The following ETHE1 variants were observed in gnomAD, a reference collection of about 807,000 sequenced individuals.
ETHE1 encodes ETHE1 persulfide dioxygenase.
ETHE1 carries 16 observed loss-of-function variants against 25.7 expected under a neutral mutation model. That is an observed-to-expected ratio of 0.62 (90% CI 0.42 to 0.95). The LOEUF is 0.95. Ranked by LOEUF, ETHE1 falls within the 40% of genes least tolerant of loss-of-function variation. ETHE1 has a pLI of 0.00. For missense variants in ETHE1, 300 were observed against 333.6 expected (o/e 0.90, Z 0.79); for synonymous variants, 139 against 135.9 (o/e 1.02, Z -0.16).
Position 43,523,218 on chromosome 19 carries a change from A to G in ETHE1, c.375+2983T>C, listed in dbSNP as rs373962084. ...GGGATCTGGGTAAGTACTCATACAC[A>G]TGTATAATATGTGGACTCCTTTCAT... is the stretch of plus-strand genomic sequence containing the variant. On this transcript the variant is annotated intron_variant, in intron 3 of 6. Coordinates refer to ENST00000292147, the MANE Select transcript of ETHE1 (RefSeq NM_014297.5). 1.7e-3 allele frequency among the ~76,000 whole-genome samples: 262 copies of G among 152,236 alleles called. 2 individuals are homozygous for G. Among genetic ancestry groups the G allele is most frequent in the African/African-American group, 6.2e-3 (257 of 41,532 alleles).
chr19:43,519,010 T>TG (rs1568497961), intron 3 of ETHE1, among the ~76,000 whole-genome samples: 4 of 57,844 alleles, frequency 6.9e-5, no homozygotes, highest in African/African-American at 3.3e-4. Context: ...TTTTTTTTTT[T>TG]TTTTTTTTTT....
intron 4 of ETHE1, among the ~76,000 whole-genome samples, 191 bp from the exon 5 acceptor site, chr19:43,509,055 T>C (rs897406980): frequency 4.6e-5 from 7 of 152,162 alleles, no homozygotes; most frequent in Admixed American, 1.3e-4. Context: ...ATACAAAGAA[T>C]TGAGGAATGT....
intron 3 of ETHE1, among the ~76,000 whole-genome samples, chr19:43,517,070 C>T (rs550581083): frequency 5.3e-5 from 8 of 151,998 alleles, no homozygotes; most frequent in African/African-American, 1.7e-4. Context: ...GCAATCCTCC[C>T]ATCTCAGCCT....
Position 43,511,493 on chromosome 19 carries a change from GC to G in ETHE1, c.448del (p.Ala150ProfsTer8). The G allele has an allele frequency of 6.2e-7, 1 of 1,614,170 alleles. No individual in the cohort carries two copies. Among genetic ancestry groups the G allele is most frequent in the Non-Finnish European group, 8.5e-7 (1 of 1,180,038 alleles). On this transcript the variant is annotated frameshift_variant, in exon 4 of 7. Coordinates refer to ENST00000292147, the MANE Select transcript of ETHE1 (RefSeq NM_014297.5). LOFTEE classifies it high-confidence loss of function. ...GATCAACAGGGCATCTCCAGTGAAGGCCATGCTGTGGTCATTCAGGACGAAG... is the reference window on the plus strand; with the variant it reads ...GATCAACAGGGCATCTCCAGTGAAGGCATGCTGTGGTCATTCAGGACGAAG... The part of the protein sequence containing the change: ...VTFVLNDHSM[A>X]FTGDALLIRG...
At chr19:43,515,601 G>A (rs1001186202) in intron 3 of ETHE1, among the ~76,000 whole-genome samples, 4 of 151,424 alleles carry the variant, frequency 2.6e-5, no homozygotes, top group African/African-American at 9.7e-5. Flanking sequence ...TTTGGACGGA[G>A]TCTGGCTCTG....
chr19:43,516,912 G>A lies in ETHE1; in HGVS notation c.376-5346C>T, dbSNP rs544022295. Among the ~76,000 whole-genome samples, 25 of 152,212 alleles carry A rather than the reference G, an allele frequency of 1.6e-4. No homozygotes were observed. In the South Asian group the frequency reaches 5.2e-3, roughly 32 times the overall value. On this transcript the variant is annotated intron_variant, in intron 3 of 6. Coordinates refer to ENST00000292147, the MANE Select transcript of ETHE1 (RefSeq NM_014297.5). Reference sequence around the variant, plus strand: ...CCCAAAGTGTTGGGATTACAGGTGTGATGTGCCCGATGACTAACAATTTAT... The same window carrying A: ...CCCAAAGTGTTGGGATTACAGGTGTAATGTGCCCGATGACTAACAATTTAT...
chr19:43,523,618 A>G (rs1851922978), intron 3 of ETHE1, among the ~76,000 whole-genome samples: 1 of 152,066 alleles, frequency 6.6e-6, no homozygotes, highest in Non-Finnish European at 1.5e-5. Flanking sequence ...AATAAAGGAG[A>G]GAAAAATGGA....
At chr19:43,511,699 TA>T in intron 3 of ETHE1, 133 bp from the exon 4 acceptor site, 1 of 980,418 alleles carries the variant, frequency 1.0e-6, no homozygotes, top group Non-Finnish European at 1.5e-6. Context: ...TCCCAGGCTG[TA>T]ATCTTATATT....
In ETHE1 at chr19:43,506,785, C is replaced by T; in HGVS notation, c.*65G>A. 6.8e-7 allele frequency: 1 copy of T among 1,460,784 alleles called. No homozygotes were observed. The highest frequency in any genetic ancestry group is 9.6e-7 in the Non-Finnish European group (1 of 1,042,408). The allele number at this position is 1,460,784 out of a possible 1,614,324, so 90.5% of individuals were successfully genotyped here. ...CGGTGGGAAAGGAGAGGTGCAGTGT[C>T]ATTGCCGCCCTCTCCTCCCACCTAG... On this transcript the variant is annotated 3_prime_UTR_variant, in exon 7 of 7. Transcript: ENST00000292147.
chr19:43,521,193 G>A (rs1972131570), intron 3 of ETHE1, among the ~76,000 whole-genome samples: 1 of 152,088 alleles, frequency 6.6e-6, no homozygotes, highest in Admixed American at 6.6e-5. Context: ...TTAGCCAGAT[G>A]TGGTGGTGCG....
chr19:43,523,330 G>A (rs190821472), intron 3 of ETHE1, among the ~76,000 whole-genome samples: 1 of 152,198 alleles, frequency 6.6e-6, no homozygotes, highest in East Asian at 1.9e-4. Flanking sequence ...GAGTGCAGTG[G>A]TGCGATCTTG....
intron 3 of ETHE1, among the ~76,000 whole-genome samples, chr19:43,521,538 A>G (rs2146007225): frequency 6.6e-6 from 1 of 151,976 alleles, no homozygotes; most frequent in South Asian, 2.1e-4. Context: ...AACAGCCTCA[A>G]GAGGAAGGTG....
intron 3 of ETHE1, among the ~76,000 whole-genome samples, chr19:43,516,299 C>T (rs1005458483): frequency 1.3e-5 from 2 of 151,956 alleles, no homozygotes; most frequent in African/African-American, 4.8e-5. Context: ...GATGGTCTGA[C>T]TTATGATTTT....
At chr19:43,520,250 T>TA (rs1332826690) in intron 3 of ETHE1, among the ~76,000 whole-genome samples, 1 of 152,132 alleles carries the variant, frequency 6.6e-6, no homozygotes, top group African/African-American at 2.4e-5. Context: ...CAGCTACTGC[T>TA]ACTCGGGAGG....
chr19:43,517,079 C>T (rs1338865324), intron 3 of ETHE1, among the ~76,000 whole-genome samples: 1 of 151,930 alleles, frequency 6.6e-6, no homozygotes, highest in South Asian at 2.1e-4. Flanking sequence ...CCATCTCAGC[C>T]TCTCAATGTG....
rs1410225584 is a variant in ETHE1, at chr19:43,520,040, C to T, written c.375+6161G>A. Among the ~76,000 whole-genome samples, 4 of 144,234 alleles carry T rather than the reference C, an allele frequency of 2.8e-5. No individual in the cohort carries two copies. The East Asian group carries it at 7.9e-4, about 29-fold the overall frequency. The allele number at this position is 144,234 out of a possible 152,430, so 94.6% of individuals were successfully genotyped here. A position where few individuals can be genotyped will look rare whatever the true frequency, so the allele number is the denominator to read the frequency against. ...CAGCCTGGACAACATAGCGAGACCC[C>T]CACCCAAAAAAAAAAAAAAAAGAAT... is the stretch of plus-strand genomic sequence containing the variant. On this transcript the variant is annotated intron_variant, in intron 3 of 6. Coordinates refer to ENST00000292147, the MANE Select transcript of ETHE1 (RefSeq NM_014297.5).
At chr19:43,518,346 A>C (rs1053825981) in intron 3 of ETHE1, among the ~76,000 whole-genome samples, 19 of 151,554 alleles carry the variant, frequency 1.3e-4, no homozygotes, top group Non-Finnish European at 1.8e-4. Context: ...GTGAGATCCT[A>C]TCTCTACCAA....
At position 43,506,773 on chromosome 19, in the gene ETHE1, G is replaced by A. The variant is rs1852308311; in HGVS notation, c.*77C>T. On this transcript the variant is annotated 3_prime_UTR_variant, in exon 7 of 7. Coordinates refer to ENST00000292147, the MANE Select transcript of ETHE1 (RefSeq NM_014297.5). ...CTCCAGGGAATGCGGTGGGAAAGGA[G>A]AGGTGCAGTGTCATTGCCGCCCTCT... 4 of 1,324,368 alleles carry A rather than the reference G, an allele frequency of 3.0e-6. No homozygotes were observed. The South Asian group carries it at 4.7e-5, about 16-fold the overall frequency. 82.0% of individuals were successfully genotyped at this position (1,324,368 alleles called of 1,614,324 possible).
rs1285868264 is a variant in ETHE1 at position 43,513,050 on chromosome 19, T to TG, written c.376-1485dup. Among the ~76,000 whole-genome samples, 4 of 152,326 alleles carry TG rather than the reference T, an allele frequency of 2.6e-5. No individual in the cohort carries two copies. The East Asian group carries it at 7.7e-4, about 29-fold the overall frequency. On this transcript the variant is annotated intron_variant, in intron 3 of 6. Coordinates refer to ENST00000292147, the MANE Select transcript of ETHE1 (RefSeq NM_014297.5). ...TTCAGAGGGTGCAAGCCCCAAGCCT[T>TG]GGTGGCTTACACGTGGTGCTGGGCC...
Sources: gnomAD v4.1 joint callset for allele counts (sites outside exome capture counted in the v4.1 genomes callset) on GRCh38, gnomAD v4.1.1 for gene constraint, MANE v1.5 for transcripts, NCBI Gene and HGNC (gene_info 2026-07-23, HGNC 2026-07-21) for gene names.